The following TEX9 variants were observed in gnomAD, a reference collection of about 807,000 sequenced individuals.
The protein encoded by TEX9 is testis expressed 9.
A neutral mutation model predicts 59.6 loss-of-function variants in TEX9; 74 were observed. The ratio of observed to expected loss-of-function variants is 1.24; its 90% CI spans 1.03 to 1.51. TEX9 has a LOEUF of 1.51. Among genes scored for constraint, TEX9 ranks in the 40% most tolerant of loss-of-function variants. The pLI is 0.00. For synonymous variants in TEX9, 186 were observed against 152.2 expected (o/e 1.22, Z -1.64); for missense variants, 522 against 447.8 (o/e 1.17, Z -1.49).
At chr15:56,384,538 C>A (rs1324517932) in intron 4 of TEX9, among the ~76,000 whole-genome samples, 1 of 152,148 alleles carries the variant, frequency 6.6e-6, no homozygotes, top group Non-Finnish European at 1.5e-5. Context: ...GATCTTTCTT[C>A]GTCACTACTG....
At chr15:56,354,710 A>G (rs1284842896) in intron 1 of TEX9, among the ~76,000 whole-genome samples, 1 of 152,188 alleles carries the variant, frequency 6.6e-6, no homozygotes, top group Admixed American at 6.5e-5. Flanking sequence ...TATGATTATA[A>G]TTGCTTGAAC....
chr15:56,316,267 C>G (rs1378130305), intron 1 of TEX9, among the ~76,000 whole-genome samples: 1 of 151,474 alleles, frequency 6.6e-6, no homozygotes, highest in Non-Finnish European at 1.5e-5. Flanking sequence ...CTGTTTTTTC[C>G]CCATCTTTGT....
At chr15:56,273,725 A>G (rs1414080802) in intron 1 of TEX9, among the ~76,000 whole-genome samples, 1 of 152,054 alleles carries the variant, frequency 6.6e-6, no homozygotes, top group Non-Finnish European at 1.5e-5. Context: ...TGGTTTGACA[A>G]TTTTTTCAGC....
chr15:56,420,302 CTT>C (rs2049915802), intron 10 of TEX9, among the ~76,000 whole-genome samples: 1 of 150,632 alleles, frequency 6.6e-6, no homozygotes, highest in East Asian at 1.9e-4. Context: ...TTCTTTTTCT[CTT>C]TTCTCTTTTT....
intron 1 of TEX9, among the ~76,000 whole-genome samples, chr15:56,353,521 T>G (rs1365581968): frequency 6.6e-6 from 1 of 152,214 alleles, no homozygotes; most frequent in Non-Finnish European, 1.5e-5. Context: ...AATAATAGCT[T>G]CTTTTAAGGT....
the TEX9 span, among the ~76,000 whole-genome samples, chr15:56,451,731 G>GC: frequency 6.6e-6 from 1 of 151,454 alleles, no homozygotes; most frequent in Non-Finnish European, 1.5e-5. Flanking sequence ...ATTCATGATG[G>GC]GATGCATCCC....
intron 2 of TEX9, among the ~76,000 whole-genome samples, chr15:56,372,592 G>A (rs538924107): frequency 4.6e-5 from 7 of 152,072 alleles, no homozygotes; most frequent in Non-Finnish European, 7.4e-5. Context: ...CAATTTAATC[G>A]TATAGCAGTT....
chr15:56,355,887 T>C (rs913588045), intron 1 of TEX9, among the ~76,000 whole-genome samples: 18 of 152,238 alleles, frequency 1.2e-4, no homozygotes, highest in Non-Finnish European at 2.2e-4. Flanking sequence ...ATACTAATTA[T>C]GAATAATTGG....
At chr15:56,442,057 G>GA (rs1186916064) in intron 12 of TEX9, among the ~76,000 whole-genome samples, 4 of 151,444 alleles carry the variant, frequency 2.6e-5, no homozygotes, top group Non-Finnish European at 5.9e-5. Context: ...TAAATAAAAA[G>GA]AAAAAATAGG....
chr15:56,384,295 A>C (rs530704523), intron 4 of TEX9, among the ~76,000 whole-genome samples: 1 of 152,220 alleles, frequency 6.6e-6, no homozygotes, highest in Non-Finnish European at 1.5e-5. Flanking sequence ...GAATAAAACT[A>C]TGAAATCATA....
At chr15:56,271,839 T>C (rs1354209519) in intron 1 of TEX9, among the ~76,000 whole-genome samples, 3 of 152,198 alleles carry the variant, frequency 2.0e-5, no homozygotes, top group Admixed American at 6.5e-5. Context: ...ATTTAAAACA[T>C]TTTAAAAATG....
intron 10 of TEX9, among the ~76,000 whole-genome samples, chr15:56,426,190 A>C (rs1342275074): frequency 6.6e-6 from 1 of 152,104 alleles, no homozygotes; most frequent in African/African-American, 2.4e-5. Flanking sequence ...GTACTGAGTC[A>C]GGCAAGACAG....
intron 2 of TEX9, 55 bp from the exon 3 acceptor site, chr15:56,373,386 T>G: frequency 6.5e-7 from 1 of 1,526,992 alleles, no homozygotes; most frequent in South Asian, 1.2e-5. Context: ...TGCTGAAGTT[T>G]ATTTTTTATT....
Position 56,421,760 on chromosome 15 carries a change from T to G in TEX9, c.964-5845T>G, listed in dbSNP as rs535201715. On this transcript the variant is annotated intron_variant, in intron 10 of 12. Coordinates refer to ENST00000352903, the Ensembl canonical transcript of TEX9. ...CGATAGTTTGCTGAGAATGATGATT[T>G]CCAATTTCATCCATGTCCCTACAAA... 5.9e-5 allele frequency: 9 copies of G among 151,790 alleles called. No individual in the cohort carries two copies. In the South Asian group the frequency reaches 1.9e-3, roughly 31 times the overall value. The allele number at this position is 151,790 out of a possible 1,614,324, so 9.4% of individuals were successfully genotyped here. A position where few individuals can be genotyped will look rare whatever the true frequency, so the allele number is the denominator to read the frequency against.
chr15:56,324,567 C>T (rs2045979548), intron 1 of TEX9, among the ~76,000 whole-genome samples: 1 of 152,146 alleles, frequency 6.6e-6, no homozygotes, highest in South Asian at 2.1e-4. Context: ...TAGTATTCTA[C>T]AGATGTGGAT....
At chr15:56,456,828 CTT>C in the TEX9 span, among the ~76,000 whole-genome samples, 1 of 151,914 alleles carries the variant, frequency 6.6e-6, no homozygotes, top group Non-Finnish European at 1.5e-5. Flanking sequence ...TCTTTTTTCC[CTT>C]ATTCTTTTTC....
At chr15:56,321,863 G>C (rs1048437169) in intron 1 of TEX9, among the ~76,000 whole-genome samples, 3 of 152,008 alleles carry the variant, frequency 2.0e-5, no homozygotes, top group Non-Finnish European at 4.4e-5. Flanking sequence ...AAAAATACTA[G>C]GGTCTAAAAA....
At chr15:56,250,894 G>A (rs1227740739) in intron 1 of TEX9, among the ~76,000 whole-genome samples, 5 of 152,148 alleles carry the variant, frequency 3.3e-5, no homozygotes, top group African/African-American at 9.7e-5. Flanking sequence ...TGCAAAATAC[G>A]TACCTTTACA....
rs60361737 is a variant in TEX9, at chr15:56,300,708, GGAGAGAGAGAGAGAGAGA to G, written c.-107+56451_-107+56468del. Among the ~76,000 whole-genome samples, 120 of 102,732 alleles carry G rather than the reference GGAGAGAGAGAGAGAGAGA, an allele frequency of 1.2e-3. 1 individual carries two copies. Among genetic ancestry groups the G allele is most frequent in the Admixed American group, 5.2e-3 (52 of 10,028 alleles). The allele number at this position is 102,732 out of a possible 152,430, so 67.4% of individuals were successfully genotyped here. A position where few individuals can be genotyped will look rare whatever the true frequency, so the allele number is the denominator to read the frequency against. ...AGCAGAGAGAGAGAGAGAGAGAGAGGGAGAGAGAGAGAGAGAGAGAGAGAGAGAGAGAGAGAGACTTCA... is the reference window on the plus strand; with the variant it reads ...AGCAGAGAGAGAGAGAGAGAGAGAGGGAGAGAGAGAGAGAGAGAGACTTCA... On this transcript the variant is annotated intron_variant, in intron 1 of 5. Coordinates refer to the TEX9 transcript ENST00000560827.
Sources: allele counts gnomAD v4.1 joint callset (sites outside exome capture counted in the v4.1 genomes callset), GRCh38; gene constraint gnomAD v4.1.1; transcripts MANE v1.5; gene names NCBI Gene and HGNC (gene_info 2026-07-23, HGNC 2026-07-21).